SAMSN1: variants seen among roughly 807,000 people sequenced by gnomAD.
SAMSN1 encodes the protein SAM domain-containing protein SAMSN-1.
A neutral mutation model predicts 42.0 loss-of-function variants in SAMSN1; 31 were observed. The ratio of observed to expected loss-of-function variants is 0.74; its 90% CI spans 0.55 to 1.00. SAMSN1 has a LOEUF of 1.00. SAMSN1 is among the 50% of genes least tolerant of loss of function. The pLI is 0.00. For synonymous variants in SAMSN1, 178 were observed against 151.9 expected (o/e 1.17, Z -1.26); for missense variants, 464 against 439.4 (o/e 1.06, Z -0.50).
intron 1 of SAMSN1, among the ~76,000 whole-genome samples, chr21:14,531,205 C>A (rs1475741468): frequency 6.6e-6 from 1 of 151,992 alleles, no homozygotes; most frequent in Non-Finnish European, 1.5e-5. Context: ...TCTCAATAGA[C>A]CTTACTACAT....
At chr21:14,628,259 CA>C (rs1983234151) in intron 2 of SAMSN1, among the ~76,000 whole-genome samples, 2 of 151,830 alleles carry the variant, frequency 1.3e-5, no homozygotes, top group Non-Finnish European at 1.5e-5. Context: ...ATTATAGTTT[CA>C]AATAGCTAAA....
At chr21:14,507,511 C>G (rs999060585) in intron 5 of SAMSN1, among the ~76,000 whole-genome samples, 2 of 152,098 alleles carry the variant, frequency 1.3e-5, no homozygotes, top group Non-Finnish European at 2.9e-5. Context: ...AAGACCTCCA[C>G]AAGGAAAAGT....
intron 2 of SAMSN1, among the ~76,000 whole-genome samples, chr21:14,623,189 T>A (rs1366843835): frequency 1.3e-5 from 2 of 152,126 alleles, no homozygotes; most frequent in Non-Finnish European, 2.9e-5. Flanking sequence ...AGACCATCAA[T>A]GCTAGGAAGA....
chr21:14,497,096 T>C (rs1238268967), intron 7 of SAMSN1, among the ~76,000 whole-genome samples: 1 of 152,050 alleles, frequency 6.6e-6, no homozygotes, highest in Non-Finnish European at 1.5e-5. Context: ...AGCACATACA[T>C]TGGGTTGGAA....
At chr21:14,583,589 A>G (rs115278113), upstream of SAMSN1, 362 of 689,460 alleles carry the variant, frequency 5.3e-4, no homozygotes, top group African/African-American at 5.9e-3. Flanking sequence ...GGCTTCATTA[A>G]CGTATGCTTC....
At chr21:14,536,426 C>T (rs992975894) in intron 1 of SAMSN1, among the ~76,000 whole-genome samples, 1 of 152,208 alleles carries the variant, frequency 6.6e-6, no homozygotes, top group Non-Finnish European at 1.5e-5. Context: ...GGGGAGGCTA[C>T]ACTTCTGTCA....
intron 2 of SAMSN1, among the ~76,000 whole-genome samples, chr21:14,627,402 T>G (rs55997140): frequency 0.011 from 1,715 of 152,282 alleles, 23 homozygotes; most frequent in African/African-American, 0.038. Context: ...TTTCACCAAA[T>G]TTTACTTCCT....
At chr21:14,549,657 C>T (rs1362456439), upstream of SAMSN1, among the ~76,000 whole-genome samples, 2 of 152,090 alleles carry the variant, frequency 1.3e-5, no homozygotes, top group Admixed American at 6.6e-5. Context: ...CAGAACCCAA[C>T]TCTGAAATTA....
intron 1 of SAMSN1, among the ~76,000 whole-genome samples, chr21:14,650,074 G>A (rs1223889691): frequency 2.6e-5 from 4 of 151,998 alleles, no homozygotes; most frequent in East Asian, 3.9e-4. Flanking sequence ...AGAGGGATAG[G>A]ACCAAATACA....
At chr21:14,550,559 G>A (rs976966443), upstream of SAMSN1, among the ~76,000 whole-genome samples, 6 of 152,016 alleles carry the variant, frequency 3.9e-5, no homozygotes, top group African/African-American at 7.2e-5. Flanking sequence ...TTCTAAAAAC[G>A]GACCTGAAGT....
intron 6 of SAMSN1, chr21:14,598,025 T>C (rs1982321044): frequency 6.6e-6 from 1 of 152,146 alleles, no homozygotes; most frequent in Non-Finnish European, 1.5e-5. Flanking sequence ...ATTCAAATGC[T>C]GAAAATTGCA....
At chr21:14,552,721 G>C (rs1359365810) in intron 2 of SAMSN1, among the ~76,000 whole-genome samples, 2 of 152,076 alleles carry the variant, frequency 1.3e-5, no homozygotes, top group African/African-American at 4.8e-5. Flanking sequence ...GCATCTGTCC[G>C]TAAAGTTACT....
At chr21:14,604,505 G>A (rs909746520) in intron 5 of SAMSN1, among the ~76,000 whole-genome samples, 1 of 152,122 alleles carries the variant, frequency 6.6e-6, no homozygotes, top group African/African-American at 2.4e-5. Context: ...TTGAGGCCAG[G>A]AGTTTCAGAT....
intron 1 of SAMSN1, among the ~76,000 whole-genome samples, chr21:14,531,599 G>T (rs1475615895): frequency 6.6e-6 from 1 of 151,912 alleles, no homozygotes; most frequent in East Asian, 1.9e-4. Flanking sequence ...AATTGAGTAT[G>T]CTAACAAAAC....
chr21:14,623,620 A>G (rs939424691), intron 2 of SAMSN1, among the ~76,000 whole-genome samples: 1 of 152,234 alleles, frequency 6.6e-6, no homozygotes, highest in African/African-American at 2.4e-5. Context: ...ACCCAGATTC[A>G]TAAAGCAAGT....
upstream of SAMSN1, among the ~76,000 whole-genome samples, chr21:14,547,846 G>A (rs534891847): frequency 2.0e-5 from 3 of 152,214 alleles, no homozygotes; most frequent in South Asian, 4.1e-4. Flanking sequence ...TAACAGAATT[G>A]AAAGAATATA....
rs1433312184 is a variant in SAMSN1, at chr21:14,518,570, CATTCACTGAATA to C, written c.130-1541_130-1530del. ...CATTACTGGTAGGTGGACAGGTAGT[CATTCACTGAATA>C]TAAAAAATGATGGGAAACTTCTCTT... On this transcript the variant is annotated intron_variant, in intron 2 of 7. Transcript: ENST00000400566. Among the ~76,000 whole-genome samples, 17 of 152,228 alleles carry C rather than the reference CATTCACTGAATA, an allele frequency of 1.1e-4. No individual in the cohort carries two copies. The East Asian group carries it at 3.1e-3, about 28-fold the overall frequency.
At chr21:14,618,689 T>TGC (rs1568832845) in intron 2 of SAMSN1, among the ~76,000 whole-genome samples, 6 of 21,094 alleles carry the variant, frequency 2.8e-4, no homozygotes, top group East Asian at 4.8e-3. Context: ...TGTGTGTGTG[T>TGC]GTGCGCGCGC....
At position 14,510,399 on chromosome 21, in the gene SAMSN1, C is replaced by A; in HGVS notation, c.472G>T (p.Gly158Cys). 1 of 1,614,178 alleles carries A rather than the reference C, an allele frequency of 6.2e-7. No individual in the cohort carries two copies. Among genetic ancestry groups the A allele is most frequent in the Non-Finnish European group, 8.5e-7 (1 of 1,180,010 alleles). Reference sequence around the variant, plus strand: ...CCACAGAATGGTCCTGAATAGGGGCCATCGTCATCCAGTCGAAAGCTGTCC... The same window carrying A: ...CCACAGAATGGTCCTGAATAGGGGCAATCGTCATCCAGTCGAAAGCTGTCC... The part of the protein sequence containing the change: ...NRDSFRLDDD[G>C]PYSGPFCGRA... The change falls in exon 5 of 8, where the codon GGC becomes TGC. Residue 158 changes from glycine to cysteine, a missense_variant. Coordinates refer to ENST00000400566, the MANE Select transcript of SAMSN1 (RefSeq NM_022136.5).
Sources: allele counts gnomAD v4.1 joint callset (sites outside exome capture counted in the v4.1 genomes callset), GRCh38; gene constraint gnomAD v4.1.1; transcripts MANE v1.5; gene names NCBI Gene and HGNC (gene_info 2026-07-23, HGNC 2026-07-21).